The following CECR2 variants were observed in gnomAD, a reference collection of about 807,000 sequenced individuals.
CECR2 encodes chromatin remodeling regulator CECR2.
In CECR2, 30 loss-of-function variants were observed where a neutral mutation model predicts 154.5. That is an observed-to-expected ratio of 0.19 (90% confidence interval 0.15 to 0.26). The LOEUF (loss-of-function observed/expected upper bound fraction) is 0.26, where lower values mean the gene tolerates loss of function less well. Ranked by LOEUF, CECR2 falls within the 10% of genes least tolerant of loss-of-function variation. The probability of loss-of-function intolerance (pLI) is 1.00; values close to 1 mark genes in which losing one functional copy is unlikely to be tolerated. For synonymous variants in CECR2, 725 were observed against 683.7 expected, an observed-to-expected ratio of 1.06 and a Z score of -0.94; for missense variants, 1,743 against 1,829.3, an observed-to-expected ratio of 0.95 and a Z score of 0.86.
At chr22:17,421,644 T>C (rs1279933713) in intron 1 of CECR2, among the ~76,000 whole-genome samples, 35 of 89,606 alleles carry the variant, frequency 3.9e-4, no homozygotes, top group Admixed American at 2.8e-3. Flanking sequence ...AAAAAAAAAA[T>C]TAGCCAGGCA....
At chr22:17,462,695 C>T (rs879652826) in intron 1 of CECR2, among the ~76,000 whole-genome samples, 25 of 152,106 alleles carry the variant, frequency 1.6e-4, no homozygotes, top group Non-Finnish European at 2.9e-4. Flanking sequence ...GCGGGTGGAT[C>T]ACGAGGTCAG....
chr22:17,506,777 C>T lies in CECR2; in HGVS notation c.870+1761C>T, dbSNP rs142457960. 2.1e-3 allele frequency among the ~76,000 whole-genome samples: 327 copies of T among 152,170 alleles called. 2 individuals carry two copies. The highest frequency in any genetic ancestry group is 7.6e-3 in the African/African-American group (314 of 41,520). On this transcript the variant is annotated intron_variant, in intron 7 of 18. Transcript: ENST00000262608. ...CAAGCGATTCTCATGCCTCAGCCTC[C>T]CAAGTAGCTGGGACTATAGGCGTGC...
At chr22:17,523,865 A>C (rs1394629021) in intron 8 of CECR2, among the ~76,000 whole-genome samples, 1 of 152,138 alleles carries the variant, frequency 6.6e-6, no homozygotes, top group Non-Finnish European at 1.5e-5. Context: ...TAAATTATCC[A>C]TAAGATTGTC....
intron 2 of CECR2, among the ~76,000 whole-genome samples, chr22:17,492,478 G>A (rs1016030532): frequency 6.6e-6 from 1 of 152,162 alleles, no homozygotes; most frequent in Non-Finnish European, 1.5e-5. Context: ...TCTGTCTGGA[G>A]CAAGCTGAGA....
chr22:17,540,712 G>T lies in CECR2; in HGVS notation c.1796G>T (p.Arg599Leu). 6.2e-7 allele frequency: 1 copy of T among 1,613,272 alleles called. No homozygotes were observed. The highest frequency in any genetic ancestry group is 1.3e-5 in the African/African-American group (1 of 75,062). ...DQSSSSTQPPREVGTSNGRGF... is the reference protein window; with the variant it reads ...DQSSSSTQPPLEVGTSNGRGF... ...AGCAGCAGCTCCACACAGCCCCCGC[G>T]GGAGGTGGGCACTTCCAATGGCCGA... The change falls in exon 14 of 19, where the codon CGG becomes CTG. Residue 599 changes from arginine (R) to leucine (L), a missense_variant. Arg to Leu is a moderately radical substitution (Grantham distance 102). Around this residue, in one of 4 missense-constraint regions of CECR2, gnomAD observed 1,250 missense variants for 1,192.1 expected, o/e 1.05. Transcript: ENST00000262608.
chr22:17,391,308 T>C lies in CECR2; in HGVS notation c.126+21399T>C, dbSNP rs182624957. Among the ~76,000 whole-genome samples, 7 of 152,330 alleles carry C rather than the reference T, an allele frequency of 4.6e-5. No homozygotes were observed. In the East Asian group the frequency reaches 1.3e-3, roughly 29 times the overall value. On this transcript the variant is annotated intron_variant, in intron 1 of 18. Transcript: ENST00000262608. The stretch of plus-strand genomic sequence containing the variant: ...TGGTTGGTTGGTAGGGGAATTGTTT[T>C]TAGGCAGGCTGAAGCCAACCCAGTT...
chr22:17,468,301 C>G (rs1044645477), intron 1 of CECR2, among the ~76,000 whole-genome samples: 1 of 152,150 alleles, frequency 6.6e-6, no homozygotes, highest in African/African-American at 2.4e-5. Context: ...TCCCTGCCCC[C>G]TCATTTCTGT....
At chr22:17,497,829 T>G (rs1229122760) in intron 3 of CECR2, among the ~76,000 whole-genome samples, 1 of 152,188 alleles carries the variant, frequency 6.6e-6, no homozygotes, top group Non-Finnish European at 1.5e-5. Context: ...TCATCTTCCT[T>G]TACGTGCACT....
intron 1 of CECR2, chr22:17,419,785 C>G (rs1190341794): frequency 6.8e-6 from 2 of 293,854 alleles, no homozygotes; most frequent in East Asian, 1.7e-4. Flanking sequence ...AACAGAGAGG[C>G]ATTGGTCAAA....
chr22:17,537,817 AC>A (rs1247151193), intron 10 of CECR2, among the ~76,000 whole-genome samples: 18 of 151,888 alleles, frequency 1.2e-4, no homozygotes, highest in East Asian at 1.9e-4. Context: ...ATATGGTGAA[AC>A]CCCCGTCTCT....
chr22:17,392,537 T>C (rs756839996), intron 1 of CECR2, among the ~76,000 whole-genome samples: 6 of 152,038 alleles, frequency 3.9e-5, no homozygotes, highest in Non-Finnish European at 8.8e-5. Flanking sequence ...TGCATACCTG[T>C]AGTCTCAGCT....
At chr22:17,428,505 T>TCAA (rs2054366206) in intron 1 of CECR2, 1 of 151,946 alleles carries the variant, frequency 6.6e-6, no homozygotes, top group Admixed American at 6.6e-5. Flanking sequence ...GAGAAACTTA[T>TCAA]CAAACATTTG....
intron 1 of CECR2, among the ~76,000 whole-genome samples, chr22:17,378,014 T>A: frequency 6.6e-6 from 1 of 152,178 alleles, no homozygotes; most frequent in East Asian, 1.9e-4. Context: ...GACGGAGGCT[T>A]GCTCTGTTGC....
chr22:17,548,665 C>T lies in CECR2; in HGVS notation c.3378C>T (p.Tyr1126=), dbSNP rs1192847995. ...FPPLYMPGLE[Y]PNSAAHYHIS... is the part of the protein sequence containing the mutation. ...CGCTGTATATGCCTGGCCTAGAGTA[C>T]CCGAATTCAGCTGCCCATTACCACA... Residue 1126 remains tyrosine (Y), a synonymous_variant, in exon 17 of 19, where the codon TAC becomes TAT. Transcript: ENST00000262608. 8 of 1,613,140 alleles carry T rather than the reference C, an allele frequency of 5.0e-6. No homozygotes were observed. Among genetic ancestry groups the T allele is most frequent in the Non-Finnish European group, 8.5e-7 (1 of 1,179,650 alleles).
chr22:17,552,774 G>GTTTTTGTTTTTTTTTT, intron 18 of CECR2, 61 bp from the exon 19 acceptor site: 1 of 933,470 alleles, frequency 1.1e-6, no homozygotes, highest in Non-Finnish European at 1.5e-6. Flanking sequence ...GCTTACTTAA[G>GTTTTTGTTTTTTTTTT]TTTTTTTTTT....
chr22:17,517,491 G>A (rs778438383), intron 8 of CECR2, among the ~76,000 whole-genome samples: 4 of 152,130 alleles, frequency 2.6e-5, no homozygotes, highest in Non-Finnish European at 5.9e-5. Context: ...TGCCATCTTC[G>A]AGTAACACTT....
At chr22:17,529,201 G>T (rs897511949) in intron 9 of CECR2, among the ~76,000 whole-genome samples, 2 of 152,210 alleles carry the variant, frequency 1.3e-5, no homozygotes, top group South Asian at 2.1e-4. Flanking sequence ...AAGAGCAGAG[G>T]CACGGAGGCA....
chr22:17,471,525 T>C (rs562113333), intron 1 of CECR2, among the ~76,000 whole-genome samples: 1 of 150,604 alleles, frequency 6.6e-6, no homozygotes, highest in Admixed American at 6.6e-5. Context: ...TTATTGTTGT[T>C]GTTGTTTGTT....
chr22:17,529,075 G>C (rs73391407), intron 9 of CECR2, among the ~76,000 whole-genome samples: 3,621 of 152,218 alleles, frequency 0.024, 162 homozygotes, highest in African/African-American at 0.083. Flanking sequence ...CAGCCTGGGT[G>C]ATAGAGCAAA....
Sources: allele counts gnomAD v4.1 joint callset (sites outside exome capture counted in the v4.1 genomes callset), GRCh38; gene constraint gnomAD v4.1.1; regional missense constraint gnomAD v4.1.1; transcripts MANE v1.5; gene names NCBI Gene and HGNC (gene_info 2026-07-23, HGNC 2026-07-21).